SHISAL2B: variants seen among roughly 807,000 people sequenced by gnomAD.
SHISAL2B encodes protein shisa-like-2B.
In SHISAL2B, 12 loss-of-function variants were observed where a neutral mutation model predicts 16.5. That is an observed-to-expected ratio of 0.73 (90% CI 0.47 to 1.18). The LOEUF (loss-of-function observed/expected upper bound fraction) is 1.18, where lower values mean the gene tolerates loss of function less well. Among genes scored for constraint, SHISAL2B ranks in the 50% most tolerant of loss-of-function variants. The probability of loss-of-function intolerance (pLI) is 0.00; values close to 1 mark genes in which losing one functional copy is unlikely to be tolerated. For missense variants in SHISAL2B, 183 were observed against 193.6 expected (o/e 0.95, Z 0.33); for synonymous variants, 72 against 75.0 (o/e 0.96, Z 0.21).
At chr5:64,706,151 T>C (rs1411340541) in intron 2 of SHISAL2B, among the ~76,000 whole-genome samples, 1 of 152,202 alleles carries the variant, frequency 6.6e-6, no homozygotes, top group African/African-American at 2.4e-5. Context: ...AGAGCAAGAC[T>C]GCGTCTTAAA....
intron 2 of SHISAL2B, among the ~76,000 whole-genome samples, chr5:64,715,943 G>A (rs1343325654): frequency 1.3e-5 from 2 of 152,100 alleles, no homozygotes; most frequent in Admixed American, 6.5e-5. Flanking sequence ...CATCGTTGAT[G>A]GTTTCCTTGG....
chr5:64,694,949 C>T (rs140856735), intron 1 of SHISAL2B, among the ~76,000 whole-genome samples: 3 of 152,168 alleles, frequency 2.0e-5, no homozygotes, highest in African/African-American at 4.8e-5. Context: ...AATATGAACA[C>T]GTGGTCTTCC....
Position 64,695,527 on chromosome 5 carries a change from TA to T in SHISAL2B, c.213del (p.Gly72GlufsTer29). ...CTCAGCATTGGTGCCTTGATTGGAC[TA>T]GGAATTGCTGCCCTTGTTTTACTCG... ...WSLSIGALIG[L>X]GIAALVLLAF... On this transcript the variant is annotated frameshift_variant, in exon 2 of 3. Coordinates refer to ENST00000389074, the MANE Select transcript of SHISAL2B (RefSeq NM_001164442.2). LOFTEE classifies it high-confidence loss of function. 1 of 1,535,618 alleles carries T rather than the reference TA, an allele frequency of 6.5e-7. No individual in the cohort carries two copies. The highest frequency in any genetic ancestry group is 8.7e-7 in the Non-Finnish European group (1 of 1,146,230).
rs921591953 is a variant in SHISAL2B, at chr5:64,695,005, C to T, written c.192-502C>T. Among the ~76,000 whole-genome samples the T allele has an allele frequency of 2.0e-5, 3 of 152,300 alleles. No homozygotes were observed. In the East Asian group the frequency reaches 5.8e-4, roughly 29 times the overall value. ...GCCGGCCGGGAGCGGTGGCTCACGT[C>T]TGTAATCCCAGCACTTTGGGAGGCC... On this transcript the variant is annotated intron_variant, in intron 1 of 2. Coordinates refer to ENST00000389074, the MANE Select transcript of SHISAL2B (RefSeq NM_001164442.2).
intron 2 of SHISAL2B, 76 bp from the exon 3 acceptor site, chr5:64,717,813 T>C: frequency 7.6e-7 from 1 of 1,310,170 alleles, no homozygotes; most frequent in Non-Finnish European, 1.0e-6. Context: ...CTACAAAAAT[T>C]ATTTTTAAGT....
At chr5:64,695,275 A>AAAAAG (rs1414005589) in intron 1 of SHISAL2B, among the ~76,000 whole-genome samples, 19 of 152,084 alleles carry the variant, frequency 1.2e-4, no homozygotes, top group Non-Finnish European at 1.5e-5. Context: ...AAAAAAAAAA[A>AAAAAG]AAAAGTAATG....
intron 2 of SHISAL2B, among the ~76,000 whole-genome samples, chr5:64,714,695 C>T (rs1401134469): frequency 6.6e-6 from 1 of 152,158 alleles, no homozygotes; most frequent in Non-Finnish European, 1.5e-5. Flanking sequence ...CAGCGAGATT[C>T]CGTGGGCGTA....
At chr5:64,691,048 G>A (rs535128892) in intron 1 of SHISAL2B, among the ~76,000 whole-genome samples, 1 of 152,360 alleles carries the variant, frequency 6.6e-6, no homozygotes, top group Non-Finnish European at 1.5e-5. Flanking sequence ...CACGCTGGAG[G>A]AGCGCGGGCT....
At chr5:64,716,015 A>G (rs915619028) in intron 2 of SHISAL2B, among the ~76,000 whole-genome samples, 4 of 152,168 alleles carry the variant, frequency 2.6e-5, no homozygotes, top group Admixed American at 6.5e-5. Context: ...GTATGCACCA[A>G]TTTACACTCC....
intron 2 of SHISAL2B, among the ~76,000 whole-genome samples, chr5:64,706,736 A>G (rs1006904999): frequency 1.3e-5 from 2 of 152,180 alleles, no homozygotes; most frequent in African/African-American, 4.8e-5. Context: ...TGGTAAATCA[A>G]TATAGGCCAT....
intron 1 of SHISAL2B, 62 bp downstream of exon 1, chr5:64,690,876 G>A: frequency 2.1e-6 from 3 of 1,396,820 alleles, no homozygotes; most frequent in Non-Finnish European, 9.5e-7. Flanking sequence ...GGCGACAAGC[G>A]GAGCCACGCC....
chr5:64,715,405 G>C (rs530178281), intron 2 of SHISAL2B, among the ~76,000 whole-genome samples: 22 of 152,054 alleles, frequency 1.4e-4, no homozygotes, highest in African/African-American at 5.1e-4. Context: ...TTCCCCTTAG[G>C]GAGGTTTGTG....
chr5:64,701,651 G>A (rs1741810991), intron 2 of SHISAL2B, among the ~76,000 whole-genome samples: 1 of 152,090 alleles, frequency 6.6e-6, no homozygotes, highest in Admixed American at 6.5e-5. Flanking sequence ...CAGTTGTATA[G>A]GTATAATAAA....
At chr5:64,702,771 ATCTG>A (rs1248018284) in intron 2 of SHISAL2B, among the ~76,000 whole-genome samples, 7 of 152,086 alleles carry the variant, frequency 4.6e-5, no homozygotes, top group Admixed American at 1.3e-4. Context: ...TGAGGTAGAG[ATCTG>A]TCTTTTTTAT....
At position 64,695,553 on chromosome 5, in the gene SHISAL2B, G is replaced by T. The variant is rs374375151; in HGVS notation, c.238G>T (p.Ala80Ser). The change falls in exon 2 of 3, where the codon GCC becomes TCC. Residue 80 changes from alanine (A) to serine (S), a missense_variant. Transcript: ENST00000389074. ...GLGIAALVLL[A>S]FVISVCVLCY... ...AGGAATTGCTGCCCTTGTTTTACTCGCCTTTGTCATCAGTGTCTGTGTCCT... is the reference window on the plus strand; with the variant it reads ...AGGAATTGCTGCCCTTGTTTTACTCTCCTTTGTCATCAGTGTCTGTGTCCT... 2 of 1,535,814 alleles carry T rather than the reference G, an allele frequency of 1.3e-6. No homozygotes were observed. Among genetic ancestry groups the T allele is most frequent in the Non-Finnish European group, 1.7e-6 (2 of 1,146,306 alleles).
chr5:64,718,186 G>T lies in SHISAL2B; in HGVS notation c.*164G>T. 1 of 505,666 alleles carries T rather than the reference G, an allele frequency of 2.0e-6. No homozygotes were observed. The highest frequency in any genetic ancestry group is 4.2e-5 in the South Asian group (1 of 23,576). The allele number at this position is 505,666 out of a possible 1,614,324, so 31.3% of individuals were successfully genotyped here. ...AGTTACTTTATTAAACGCACATTAA[G>T]GTTTTATTGGTTTTCCTTTGTATAA... is the stretch of plus-strand genomic sequence containing the variant. On this transcript the variant is annotated 3_prime_UTR_variant, in exon 3 of 3. Transcript: ENST00000389074.
intron 1 of SHISAL2B, among the ~76,000 whole-genome samples, chr5:64,694,669 C>T (rs569524291): frequency 2.0e-5 from 3 of 152,326 alleles, no homozygotes; most frequent in Admixed American, 6.5e-5. Context: ...AAGGAAAAGT[C>T]AAACTGAACA....
intron 2 of SHISAL2B, among the ~76,000 whole-genome samples, chr5:64,698,512 C>CT (rs1282589596): frequency 6.6e-6 from 1 of 152,192 alleles, no homozygotes; most frequent in East Asian, 1.9e-4. Flanking sequence ...GTCTAGGATG[C>CT]TTTTCCCTCA....
chr5:64,712,341 G>T (rs1449920618), intron 2 of SHISAL2B, among the ~76,000 whole-genome samples: 1 of 152,156 alleles, frequency 6.6e-6, no homozygotes, highest in African/African-American at 2.4e-5. Context: ...CCATGTAGTT[G>T]AGCGGCTTTG....
Sources: allele counts gnomAD v4.1 joint callset (sites outside exome capture counted in the v4.1 genomes callset), GRCh38; gene constraint gnomAD v4.1.1; transcripts MANE v1.5; gene names NCBI Gene and HGNC (gene_info 2026-07-23, HGNC 2026-07-21).